Variants in LRP2 observed in about 807,000 individuals in gnomAD.
LRP2 encodes the protein LDL receptor related protein 2, also known as low-density lipoprotein receptor-related protein 2.
A neutral mutation model predicts 531.0 loss-of-function variants in LRP2; 172 were observed. The observed-to-expected ratio is 0.32, with a 90% confidence interval of 0.29 to 0.37. The LOEUF (loss-of-function observed/expected upper bound fraction) is 0.37, where lower values mean the gene tolerates loss of function less well. Among genes scored for constraint, LRP2 ranks in the 10% least tolerant of loss-of-function variants. LRP2 has a pLI of 1.00. For missense variants in LRP2, 5,167 were observed against 5,868.3 expected, an observed-to-expected ratio of 0.88 and a Z score of 3.90; for synonymous variants, 1,992 against 2,027.6, an observed-to-expected ratio of 0.98 and a Z score of 0.47.
intron 26 of LRP2, among the ~76,000 whole-genome samples, chr2:169,239,293 A>C (rs1272475340): frequency 6.6e-6 from 1 of 152,176 alleles, no homozygotes; most frequent in African/African-American, 2.4e-5. Context: ...AATACTTTAA[A>C]AATCATTGAC....
At chr2:169,357,612 G>A (rs1469644876) in intron 1 of LRP2, among the ~76,000 whole-genome samples, 1 of 151,990 alleles carries the variant, frequency 6.6e-6, no homozygotes, top group African/African-American at 2.4e-5. Context: ...TTACAGGCAT[G>A]AGCCCCCACG....
intron 70 of LRP2, among the ~76,000 whole-genome samples, chr2:169,144,803 C>T (rs1019351929): frequency 3.3e-5 from 5 of 152,302 alleles, no homozygotes; most frequent in African/African-American, 1.2e-4. Context: ...CAACCCCAGA[C>T]TCCACCCATG....
intron 56 of LRP2, 60 bp downstream of exon 56, chr2:169,173,859 T>C: frequency 2.5e-6 from 4 of 1,610,128 alleles, no homozygotes; most frequent in Non-Finnish European, 3.4e-6. Context: ...TCAGTCCCCA[T>C]GGAAGTTTCC....
intron 3 of LRP2, among the ~76,000 whole-genome samples, chr2:169,311,351 TC>T (rs1474742440): frequency 2.6e-5 from 4 of 152,234 alleles, no homozygotes; most frequent in African/African-American, 9.6e-5. Context: ...GCTATAAATT[TC>T]CCTCTACACA....
chr2:169,294,068 CG>C (rs1559061436), intron 6 of LRP2, 79 bp downstream of exon 6: 2 of 941,364 alleles, frequency 2.1e-6, no homozygotes, highest in African/African-American at 1.6e-5. Flanking sequence ...GGTGGGGGAG[CG>C]GGGGGATAAA....
intron 62 of LRP2, among the ~76,000 whole-genome samples, chr2:169,165,387 C>A (rs1574087466): frequency 6.6e-6 from 1 of 152,270 alleles, no homozygotes; most frequent in East Asian, 1.9e-4. Context: ...TTAAATGCAG[C>A]CAGTTTGGAA....
Position 169,181,429 on chromosome 2 carries a change from T to C in LRP2, c.10169+19A>G. On this transcript the variant is annotated intron_variant, in intron 52 of 78. Coordinates refer to ENST00000649046, the MANE Select transcript of LRP2 (RefSeq NM_004525.3). ...AATAAACAGTTACACAATTGTTTTA[T>C]GCTTTTCTATGTACGTACTCTATGT... is the stretch of plus-strand genomic sequence containing the variant. 1 of 1,611,440 alleles carries C rather than the reference T, an allele frequency of 6.2e-7. No homozygotes were observed. Among genetic ancestry groups the C allele is most frequent in the Non-Finnish European group, 8.5e-7 (1 of 1,177,522 alleles).
chr2:169,207,134 C>A lies in LRP2; in HGVS notation c.6586G>T (p.Val2196Phe), dbSNP rs746579590. 5.0e-6 allele frequency: 8 copies of A among 1,612,182 alleles called. No homozygotes were observed. The African/African-American group carries it at 1.1e-4, about 22-fold the overall frequency. The change falls in exon 39 of 79, where the codon GTT becomes TTT. Residue 2196 changes from valine to phenylalanine, a missense_variant. Physicochemically the swap from Val to Phe is conservative, Grantham distance 50. Around this residue, in one of 6 missense-constraint regions of LRP2, gnomAD observed 2,811 missense variants for 3,058.0 expected, o/e 0.92. Coordinates refer to ENST00000649046, the MANE Select transcript of LRP2 (RefSeq NM_004525.3). The stretch of plus-strand genomic sequence containing the variant: ...AGGTATCTGTTCTTGGGATCTACAA[C>A]AATATGCCTAGGCATGTCCACTGTG... Reference protein sequence around the residue: ...KVTVDMPRHIVVDPKNRYLFW... With the variant: ...KVTVDMPRHIFVDPKNRYLFW...
At chr2:169,182,950 A>C (rs1687495414) in intron 50 of LRP2, among the ~76,000 whole-genome samples, 1 of 152,172 alleles carries the variant, frequency 6.6e-6, no homozygotes, top group Admixed American at 6.5e-5. Flanking sequence ...ATTTTTATTC[A>C]ATAAAATTTA....
intron 31 of LRP2, among the ~76,000 whole-genome samples, chr2:169,228,765 C>T (rs1421801445): frequency 1.3e-5 from 2 of 152,180 alleles, no homozygotes; most frequent in African/African-American, 4.8e-5. Flanking sequence ...TCCTGCAATG[C>T]TGCGCTGGCT....
At chr2:169,215,764 A>T (rs1218585849) in intron 35 of LRP2, among the ~76,000 whole-genome samples, 1 of 147,510 alleles carries the variant, frequency 6.8e-6, no homozygotes, top group East Asian at 2.0e-4. Flanking sequence ...TCATATATAG[A>T]ATCTATATAG....
At chr2:169,135,710 A>G (rs974251729) in intron 76 of LRP2, among the ~76,000 whole-genome samples, 4 of 98,786 alleles carry the variant, frequency 4.0e-5, no homozygotes, top group African/African-American at 1.7e-4. Context: ...TGTCCTCAGA[A>G]TGCTACAGGG....
chr2:169,254,658 A>AAAAAAAAAAAAAAC (rs1690230937), intron 19 of LRP2, among the ~76,000 whole-genome samples: 2 of 141,450 alleles, frequency 1.4e-5, no homozygotes, highest in Admixed American at 7.4e-5. Context: ...AAAAAAAAAA[A>AAAAAAAAAAAAAAC]CAGCAATGTT....
At chr2:169,278,341 G>A (rs1364261467) in intron 12 of LRP2, among the ~76,000 whole-genome samples, 2 of 151,884 alleles carry the variant, frequency 1.3e-5, no homozygotes, top group Non-Finnish European at 2.9e-5. Flanking sequence ...AAGATTAGCT[G>A]GGCATGATGG....
chr2:169,210,056 C>CATA (rs1478712923), intron 37 of LRP2, among the ~76,000 whole-genome samples: 9 of 152,018 alleles, frequency 5.9e-5, no homozygotes, highest in African/African-American at 2.2e-4. Context: ...AATTTGAGCC[C>CATA]ATAATAATAA....
chr2:169,196,703 C>T (rs970372057), intron 46 of LRP2, among the ~76,000 whole-genome samples: 5 of 152,206 alleles, frequency 3.3e-5, no homozygotes, highest in Non-Finnish European at 5.9e-5. Flanking sequence ...CAGCAGCTTC[C>T]GTATCCTGAT....
At chr2:169,206,285 C>T in intron 39 of LRP2, 45 bp downstream of exon 39, 1 of 1,609,624 alleles carries the variant, frequency 6.2e-7, no homozygotes, top group African/African-American at 1.3e-5. Flanking sequence ...GTGTTGACCC[C>T]ATTGTGTCTA....
At chr2:169,161,471 ATTGTTTGT>A (rs573279940) in intron 63 of LRP2, among the ~76,000 whole-genome samples, 1 of 151,184 alleles carries the variant, frequency 6.6e-6, no homozygotes, top group Non-Finnish European at 1.5e-5. Context: ...TTTTTGTTTG[ATTGTTTGT>A]TTGTTTGTTT....
intron 1 of LRP2, among the ~76,000 whole-genome samples, chr2:169,361,418 C>G (rs1686159563): frequency 6.6e-6 from 1 of 151,072 alleles, no homozygotes; most frequent in Non-Finnish European, 1.5e-5. Flanking sequence ...TCTCTCCTCT[C>G]TCTCTCTCTT....
Sources: gnomAD v4.1 joint callset for allele counts (sites outside exome capture counted in the v4.1 genomes callset) on GRCh38, gnomAD v4.1.1 for gene constraint, gnomAD v4.1.1 regional missense constraint, MANE v1.5 for transcripts, NCBI Gene and HGNC (gene_info 2026-07-23, HGNC 2026-07-21) for gene names.